MAPK10: variants seen among roughly 807,000 people sequenced by gnomAD.
MAPK10 encodes the protein mitogen-activated protein kinase 10.
MAPK10 carries 25 observed loss-of-function variants against 59.3 expected under a neutral mutation model. The observed-to-expected ratio is 0.42, with a 90% CI of 0.31 to 0.59. The LOEUF is 0.59. MAPK10 is among the 20% of genes least tolerant of loss of function. The pLI, the probability that MAPK10 is intolerant of heterozygous loss-of-function variation, is 0.15. For missense variants in MAPK10, 351 were observed against 568.9 expected, an observed-to-expected ratio of 0.62 and a Z score of 3.90; for synonymous variants, 190 against 200.5, an observed-to-expected ratio of 0.95 and a Z score of 0.44.
intron 3 of MAPK10, among the ~76,000 whole-genome samples, chr4:86,161,833 T>C (rs2069794762): frequency 6.6e-6 from 1 of 152,052 alleles, no homozygotes; most frequent in Non-Finnish European, 1.5e-5. Flanking sequence ...GACTTAATGT[T>C]GTATTGTGGC....
rs2095419092 is a variant in MAPK10 at position 86,298,941 on chromosome 4, T to C, written c.-7+55589A>G. ...AAAGTAGAGAGCTTCCTGCTTCTTT[T>C]ATTTTCCCCTTGAAGCTGACATTAA... is the stretch of plus-strand genomic sequence containing the variant. On this transcript the variant is annotated intron_variant, in intron 2 of 13. Transcript: ENST00000641462. 2.0e-5 allele frequency among the ~76,000 whole-genome samples: 3 copies of C among 152,200 alleles called. No individual in the cohort carries two copies. In the South Asian group the frequency reaches 6.2e-4, roughly 31 times the overall value.
intron 4 of MAPK10, 199 bp from the exon 5 acceptor site, chr4:86,107,551 A>G: frequency 8.4e-7 from 1 of 1,196,630 alleles, no homozygotes; most frequent in Non-Finnish European, 1.0e-6. Flanking sequence ...GAGGATGAAG[A>G]AGAGTTGGAG....
rs537149103 is a variant in MAPK10, at chr4:86,573,586, C to T, written c.-263+20324G>A. ...TGCTTATACGAGGTCCTTTGCATTT[C>T]CAAACAAAGTTTAGAATATGCCTAT... On this transcript the variant is annotated intron_variant, in intron 1 of 4. Coordinates refer to the MAPK10 transcript ENST00000502302. Among the ~76,000 whole-genome samples, 47 of 152,284 alleles carry T rather than the reference C, an allele frequency of 3.1e-4. 1 individual carries two copies. The highest frequency in any genetic ancestry group is 1.1e-3 in the African/African-American group (45 of 41,558).
chr4:86,085,634 G>A (rs973232321), intron 9 of MAPK10, among the ~76,000 whole-genome samples: 3 of 152,058 alleles, frequency 2.0e-5, no homozygotes, highest in African/African-American at 7.2e-5. Flanking sequence ...GGGAACACTT[G>A]CACATTCCTG....
chr4:86,348,832 T>G (rs953043208), intron 2 of MAPK10, among the ~76,000 whole-genome samples: 4 of 152,166 alleles, frequency 2.6e-5, no homozygotes, highest in African/African-American at 9.7e-5. Flanking sequence ...TCTTTCACTC[T>G]CTAGCGCTGC....
At chr4:86,314,786 T>TAC (rs1429278805) in intron 2 of MAPK10, among the ~76,000 whole-genome samples, 5 of 152,052 alleles carry the variant, frequency 3.3e-5, no homozygotes, top group African/African-American at 1.2e-4. Flanking sequence ...TCAACCATAA[T>TAC]ACCATCTAGA....
chr4:86,558,337 G>A (rs1760421568), intron 1 of MAPK10, among the ~76,000 whole-genome samples: 1 of 152,060 alleles, frequency 6.6e-6, no homozygotes, highest in South Asian at 2.1e-4. Flanking sequence ...TAAAGACGAG[G>A]CTTTGTACTT....
chr4:86,132,116 A>C (rs868679888), intron 4 of MAPK10, among the ~76,000 whole-genome samples: 59 of 152,308 alleles, frequency 3.9e-4, no homozygotes, highest in African/African-American at 1.4e-3. Context: ...CTTGGATATA[A>C]TTCTTAGTTC....
chr4:86,235,547 G>T (rs1012603316), intron 2 of MAPK10, among the ~76,000 whole-genome samples: 1 of 152,140 alleles, frequency 6.6e-6, no homozygotes, highest in African/African-American at 2.4e-5. Context: ...CAAACTTTCT[G>T]TTCTGTGATA....
chr4:86,537,097 C>A (rs1758305155), intron 1 of MAPK10, among the ~76,000 whole-genome samples: 1 of 152,182 alleles, frequency 6.6e-6, no homozygotes, highest in Non-Finnish European at 1.5e-5. Context: ...AGGGAATACA[C>A]ACAATGGCGT....
At chr4:86,139,486 A>G (rs1229286708) in intron 4 of MAPK10, among the ~76,000 whole-genome samples, 1 of 151,614 alleles carries the variant, frequency 6.6e-6, no homozygotes, top group African/African-American at 2.4e-5. Flanking sequence ...CCATATGTAG[A>G]AAGCTGAAAC....
chr4:86,100,380 C>T (rs530814913), intron 8 of MAPK10: 1 of 152,100 alleles, frequency 6.6e-6, no homozygotes, highest in Non-Finnish European at 1.5e-5. Context: ...CTTCCATAGC[C>T]TTCATTTTAA....
rs1251474551 is a variant in MAPK10 at position 86,103,073 on chromosome 4, C to CTTTG, written c.425+112_425+113insCAAA. 2.4e-4 allele frequency: 73 copies of CTTTG among 303,440 alleles called. No individual in the cohort carries two copies. In the East Asian group the frequency reaches 4.7e-3, roughly 19 times the overall value. The allele number at this position is 303,440 out of a possible 1,614,324, so 18.8% of individuals were successfully genotyped here. ...CTTTGAGCAGTATAAGGGATTTCAA[C>CTTTG]TCTGTGTGTGTGTGTGTGTGTGTGT... is the stretch of plus-strand genomic sequence containing the variant. On this transcript the variant is annotated intron_variant, in intron 6 of 13. Coordinates refer to ENST00000641462, the MANE Select transcript of MAPK10 (RefSeq NM_138982.4).
chr4:86,276,618 C>T (rs2094585036), intron 2 of MAPK10, among the ~76,000 whole-genome samples: 1 of 152,148 alleles, frequency 6.6e-6, no homozygotes, highest in Admixed American at 6.6e-5. Flanking sequence ...TCCTTGCCCA[C>T]CCATCAACAC....
At chr4:86,205,843 C>A (rs1053035888) in intron 2 of MAPK10, among the ~76,000 whole-genome samples, 1 of 151,676 alleles carries the variant, frequency 6.6e-6, no homozygotes, top group Non-Finnish European at 1.5e-5. Flanking sequence ...AGTTTTCTAT[C>A]AAAAGCAACA....
chr4:86,388,997 T>C (rs1247924405), intron 1 of MAPK10, among the ~76,000 whole-genome samples: 1 of 152,202 alleles, frequency 6.6e-6, no homozygotes, highest in Non-Finnish European at 1.5e-5. Context: ...ATATGTGATA[T>C]GGTTCAGATT....
intron 5 of MAPK10, 118 bp downstream of exon 5, chr4:86,107,105 T>C: frequency 1.3e-6 from 1 of 747,126 alleles, no homozygotes; most frequent in Non-Finnish European, 2.2e-6. Context: ...GGATAAACAA[T>C]CTTAAGAGGC....
chr4:86,547,720 G>T (rs917736706), intron 1 of MAPK10, among the ~76,000 whole-genome samples: 10 of 152,202 alleles, frequency 6.6e-5, no homozygotes, highest in African/African-American at 2.2e-4. Flanking sequence ...AGTCTAGTGG[G>T]GATGTGGAGA....
intron 1 of MAPK10, among the ~76,000 whole-genome samples, chr4:86,571,491 A>G (rs1178196819): frequency 6.6e-6 from 1 of 152,012 alleles, no homozygotes; most frequent in Non-Finnish European, 1.5e-5. Context: ...ACTAGAGATA[A>G]AATAACAACA....
Sources: gnomAD v4.1 joint callset for allele counts (sites outside exome capture counted in the v4.1 genomes callset) on GRCh38, gnomAD v4.1.1 for gene constraint, MANE v1.5 for transcripts, NCBI Gene and HGNC (gene_info 2026-07-23, HGNC 2026-07-21) for gene names.